KLF12: variants seen among roughly 807,000 people sequenced by gnomAD.
The protein encoded by KLF12 is KLF transcription factor 12, also known as Krueppel-like factor 12.
Under a neutral mutation model 37.8 loss-of-function variants are expected in KLF12, and 9 were observed. The ratio of observed to expected loss-of-function variants is 0.24; its 90% CI spans 0.14 to 0.42. The LOEUF is 0.42. Ranked by LOEUF, KLF12 falls within the 10% of genes least tolerant of loss-of-function variation. The probability of loss-of-function intolerance (pLI) is 1.00; values close to 1 mark genes in which losing one functional copy is unlikely to be tolerated. For missense variants in KLF12, 411 were observed against 516.0 expected, an observed-to-expected ratio of 0.80 and a Z score of 1.97; for synonymous variants, 208 against 202.1, an observed-to-expected ratio of 1.03 and a Z score of -0.25.
the KLF12 span, among the ~76,000 whole-genome samples, chr13:74,180,617 A>T: frequency 2.0e-5 from 3 of 152,222 alleles, no homozygotes; most frequent in African/African-American, 7.2e-5. Context: ...AGAAATCTTG[A>T]TGGATAGAGG....
At chr13:74,186,604 T>C in the KLF12 span, among the ~76,000 whole-genome samples, 2 of 152,194 alleles carry the variant, frequency 1.3e-5, no homozygotes, top group African/African-American at 4.8e-5. Flanking sequence ...AGCAGCTGTG[T>C]AACATCCCAA....
At chr13:73,774,167 A>G (rs535484291) in intron 5 of KLF12, among the ~76,000 whole-genome samples, 92 of 152,262 alleles carry the variant, frequency 6.0e-4, no homozygotes, top group African/African-American at 2.1e-3. Context: ...AGAGATGATG[A>G]GAACTCACAA....
intron 6 of KLF12, among the ~76,000 whole-genome samples, chr13:73,719,291 C>T (rs550350771): frequency 1.2e-3 from 181 of 152,168 alleles, no homozygotes; most frequent in African/African-American, 4.3e-3. Flanking sequence ...CCACAGTCGG[C>T]GGGCACTGCA....
chr13:74,028,865 T>C (rs746153462), intron 1 of KLF12, among the ~76,000 whole-genome samples: 17 of 152,000 alleles, frequency 1.1e-4, no homozygotes, highest in Non-Finnish European at 1.9e-4. Flanking sequence ...ATACCTTATA[T>C]GATCAATTAA....
At chr13:73,895,267 T>A (rs755870132) in intron 3 of KLF12, among the ~76,000 whole-genome samples, 3 of 152,244 alleles carry the variant, frequency 2.0e-5, no homozygotes, top group African/African-American at 4.8e-5. Flanking sequence ...AAGATTTGTA[T>A]AGATACATGA....
chr13:74,279,087 A>G, the KLF12 span, among the ~76,000 whole-genome samples: 1 of 152,168 alleles, frequency 6.6e-6, no homozygotes, highest in African/African-American at 2.4e-5. Flanking sequence ...TCCATGTACT[A>G]GTGGGTCATA....
chr13:74,093,648 C>G (rs980723266), intron 1 of KLF12, among the ~76,000 whole-genome samples: 1 of 151,686 alleles, frequency 6.6e-6, no homozygotes, highest in African/African-American at 2.4e-5. Context: ...ATGTCTGATT[C>G]TGAAGCTTTC....
intron 1 of KLF12, among the ~76,000 whole-genome samples, chr13:74,102,499 A>G (rs1471164901): frequency 1.3e-5 from 2 of 151,926 alleles, no homozygotes; most frequent in South Asian, 2.1e-4. Context: ...GGAGTTTGTG[A>G]CCAGCCTGGC....
At chr13:73,854,168 A>G (rs942456938) in intron 3 of KLF12, among the ~76,000 whole-genome samples, 4 of 152,214 alleles carry the variant, frequency 2.6e-5, no homozygotes, top group African/African-American at 9.7e-5. Flanking sequence ...ATGACTTAAA[A>G]TATTAATTAA....
At chr13:73,761,564 T>C (rs1201022709) in intron 6 of KLF12, among the ~76,000 whole-genome samples, 1 of 152,198 alleles carries the variant, frequency 6.6e-6, no homozygotes, top group East Asian at 1.9e-4. Context: ...AAAATCCTTT[T>C]CCTCTGTCTT....
chr13:74,275,348 A>G, the KLF12 span, among the ~76,000 whole-genome samples: 1 of 152,252 alleles, frequency 6.6e-6, no homozygotes, highest in African/African-American at 2.4e-5. Flanking sequence ...GGTTTTAAGC[A>G]AATAAGTCAT....
At chr13:74,081,384 A>C (rs1353510135) in intron 1 of KLF12, among the ~76,000 whole-genome samples, 1 of 152,220 alleles carries the variant, frequency 6.6e-6, no homozygotes, top group Non-Finnish European at 1.5e-5. Flanking sequence ...TCTTTTATAA[A>C]AATTACCTTA....
At chr13:74,130,527 TGC>T (rs1460144403) in intron 1 of KLF12, among the ~76,000 whole-genome samples, 1 of 151,962 alleles carries the variant, frequency 6.6e-6, no homozygotes, top group Non-Finnish European at 1.5e-5. Context: ...TGTGGCAGTG[TGC>T]ACCTGTAGTC....
chr13:74,111,548 G>A (rs1344827301), intron 1 of KLF12, among the ~76,000 whole-genome samples: 1 of 152,098 alleles, frequency 6.6e-6, no homozygotes, highest in Non-Finnish European at 1.5e-5. Flanking sequence ...AGCATTTGGG[G>A]ATGTTTCATG....
At chr13:73,867,595 T>C (rs569632053) in intron 3 of KLF12, among the ~76,000 whole-genome samples, 3 of 99,134 alleles carry the variant, frequency 3.0e-5, no homozygotes, top group East Asian at 3.0e-4. Context: ...AGCAGGGCTA[T>C]AGAAGACAGG....
chr13:74,045,920 A>G (rs1223702242), intron 1 of KLF12, among the ~76,000 whole-genome samples: 2 of 152,188 alleles, frequency 1.3e-5, no homozygotes, highest in African/African-American at 2.4e-5. Flanking sequence ...TATCTTATTG[A>G]TTTTTATTAA....
intron 3 of KLF12, among the ~76,000 whole-genome samples, chr13:73,884,384 T>C (rs1477629253): frequency 1.3e-5 from 2 of 152,224 alleles, no homozygotes; most frequent in Non-Finnish European, 2.9e-5. Context: ...TCCAGTGTCC[T>C]GAATCTCCCA....
intron 1 of KLF12, among the ~76,000 whole-genome samples, chr13:74,063,079 T>G (rs1254106953): frequency 6.6e-6 from 1 of 152,206 alleles, no homozygotes; most frequent in Non-Finnish European, 1.5e-5. Context: ...GCTTCCTCTG[T>G]GCCGCACCTC....
At chr13:73,971,469 G>C (rs372945374) in intron 2 of KLF12, among the ~76,000 whole-genome samples, 2 of 151,904 alleles carry the variant, frequency 1.3e-5, no homozygotes, top group Non-Finnish European at 2.9e-5. Flanking sequence ...AATTTATTTC[G>C]GCTATATCAC....
Sources: allele counts gnomAD v4.1 joint callset (sites outside exome capture counted in the v4.1 genomes callset), GRCh38; gene constraint gnomAD v4.1.1; transcripts MANE v1.5; gene names NCBI Gene and HGNC (gene_info 2026-07-23, HGNC 2026-07-21).